The following MED13 variants were observed in gnomAD, a reference collection of about 807,000 sequenced individuals.
The protein encoded by MED13 is mediator of RNA polymerase II transcription subunit 13.
In MED13, 23 loss-of-function variants were observed where a neutral mutation model predicts 225.2. The observed-to-expected ratio is 0.10, with a 90% CI of 0.07 to 0.14. The LOEUF is 0.14. MED13 is among the 10% of genes least tolerant of loss of function. MED13 has a pLI of 1.00. For synonymous variants in MED13, 942 were observed against 889.2 expected (o/e 1.06, Z -1.06); for missense variants, 2,197 against 2,594.5 (o/e 0.85, Z 3.33).
chr17:62,048,035 TAC>T (rs2080914431), intron 3 of MED13, among the ~76,000 whole-genome samples: 1 of 123,876 alleles, frequency 8.1e-6, no homozygotes, highest in African/African-American at 3.1e-5. Flanking sequence ...CATATACATA[TAC>T]ATATACATAT....
intron 9 of MED13, chr17:62,007,379 G>T (rs1179245801): frequency 6.6e-6 from 1 of 152,144 alleles, no homozygotes; most frequent in African/African-American, 2.4e-5. Flanking sequence ...AAAAAAATCA[G>T]TTGAGAATGT....
At chr17:62,058,414 G>A (rs1052652059) in intron 2 of MED13, among the ~76,000 whole-genome samples, 1 of 151,596 alleles carries the variant, frequency 6.6e-6, no homozygotes, top group African/African-American at 2.4e-5. Context: ...CCAACTACTC[G>A]GGAGGCTGAG....
At position 62,011,316 on chromosome 17, in the gene MED13, T is replaced by G. The variant is rs185789007; in HGVS notation, c.1284-83A>C. 3.2e-5 allele frequency: 37 copies of G among 1,156,728 alleles called. No individual in the cohort carries two copies. The African/African-American group carries it at 5.6e-4, about 18-fold the overall frequency. The allele number at this position is 1,156,728 out of a possible 1,614,324, so 71.7% of individuals were successfully genotyped here. On this transcript the variant is annotated intron_variant, in intron 8 of 29. Coordinates refer to ENST00000397786, the MANE Select transcript of MED13 (RefSeq NM_005121.3). ...ATACCAGTTAATAGTATTAGACACT[T>G]CGGTTATCATTTCTTTTTCACATGT...
At chr17:61,971,275 C>CTTT (rs758826223) in intron 17 of MED13, among the ~76,000 whole-genome samples, 2 of 136,336 alleles carry the variant, frequency 1.5e-5, no homozygotes, top group Non-Finnish European at 3.2e-5. Context: ...TAAATATCTA[C>CTTT]TTTTTTTTTT....
intron 3 of MED13, among the ~76,000 whole-genome samples, chr17:62,043,662 T>C (rs2080874692): frequency 6.6e-6 from 1 of 152,130 alleles, no homozygotes; most frequent in Non-Finnish European, 1.5e-5. Flanking sequence ...TACACACATA[T>C]AACTATTGGT....
At position 61,982,536 on chromosome 17, in the gene MED13, CCA is replaced by C. The variant is rs2143459289; in HGVS notation, c.3465_3466del (p.Cys1155TrpfsTer9). 1 of 1,614,158 alleles carries C rather than the reference CCA, an allele frequency of 6.2e-7. No homozygotes were observed. ...TTCAAAACGTTTTTCTGCTTCTTTG[CCA>C]CAGTCTGTATTGCGTCCTATGATAT... On this transcript the variant is annotated frameshift_variant, in exon 16 of 30. Transcript: ENST00000397786. LOFTEE classifies it high-confidence loss of function.
intron 12 of MED13, 76 bp downstream of exon 12, chr17:61,986,924 CTCACAAA>C: frequency 4.3e-6 from 4 of 928,766 alleles, no homozygotes; most frequent in Non-Finnish European, 6.0e-6. Context: ...TAGTATTAAA[CTCACAAA>C]TCACTTCTAA....
intron 28 of MED13, among the ~76,000 whole-genome samples, chr17:61,949,885 A>C (rs1179498194): frequency 6.6e-6 from 1 of 151,852 alleles, no homozygotes; most frequent in Non-Finnish European, 1.5e-5. Flanking sequence ...GGGTCTCACC[A>C]TGTTGGCCAG....
At chr17:62,048,394 G>C (rs116556438) in intron 3 of MED13, among the ~76,000 whole-genome samples, 1,506 of 71,164 alleles carry the variant, frequency 0.021, 31 homozygotes, top group African/African-American at 0.085. Context: ...GAGTGAGACT[G>C]TTTCAAAAAA....
intron 16 of MED13, among the ~76,000 whole-genome samples, chr17:61,978,459 T>A (rs181739740): frequency 6.6e-6 from 1 of 152,034 alleles, no homozygotes; most frequent in Non-Finnish European, 1.5e-5. Context: ...ACTAGGTTGG[T>A]CAGGCTGGTC....
chr17:62,005,962 G>C (rs1418647486), intron 9 of MED13: 1 of 152,136 alleles, frequency 6.6e-6, no homozygotes, highest in Non-Finnish European at 1.5e-5. Flanking sequence ...CAATCCTCCT[G>C]ACACAACCAG....
chr17:62,063,359 C>A, intron 1 of MED13, 58 bp from the exon 2 acceptor site: 1 of 1,098,666 alleles, frequency 9.1e-7, no homozygotes, highest in Non-Finnish European at 1.4e-6. Flanking sequence ...GTCAAAAGTA[C>A]TCAATATGAT....
In MED13 at chr17:62,015,504, G is replaced by A. The variant is rs73336410; in HGVS notation, c.1284-4271C>T. On this transcript the variant is annotated intron_variant, in intron 8 of 29. Coordinates refer to ENST00000397786, the MANE Select transcript of MED13 (RefSeq NM_005121.3). ...TTTGTGTGAAAGAAAGCAACAGGCA[G>A]ACCTACATACATAAGAGGGGAACCT... Among the ~76,000 whole-genome samples the A allele has an allele frequency of 5.8e-3, 886 of 152,184 alleles. 8 individuals carry two copies. Among genetic ancestry groups the A allele is most frequent in the African/African-American group, 0.02 (836 of 41,522 alleles).
At position 61,951,001 on chromosome 17, in the gene MED13, TA is replaced by T; in HGVS notation, c.6118-4del. 6.2e-7 allele frequency: 1 copy of T among 1,605,250 alleles called. No homozygotes were observed. Among genetic ancestry groups the T allele is most frequent in the Non-Finnish European group, 8.5e-7 (1 of 1,175,428 alleles). ...AGTAGCCGATCAGTACTCTGACCCT[TA>T]AAAAGACAAAATTAAAAGTATATTA... On this transcript the variant is annotated splice_polypyrimidine_tract_variant and splice_region_variant and intron_variant, in intron 27 of 29. Transcript: ENST00000397786.
At chr17:62,026,336 C>T (rs550731474) in intron 8 of MED13, among the ~76,000 whole-genome samples, 28 of 152,228 alleles carry the variant, frequency 1.8e-4, no homozygotes, top group African/African-American at 6.3e-4. Context: ...ACAGTTTTGT[C>T]ATGCTTTGAG....
chr17:62,026,671 T>C (rs2080705708), intron 8 of MED13, among the ~76,000 whole-genome samples: 1 of 152,078 alleles, frequency 6.6e-6, no homozygotes, highest in South Asian at 2.1e-4. Context: ...ACAACATGAT[T>C]CTAGACCTGG....
At chr17:61,986,343 T>C (rs998531736) in intron 12 of MED13, among the ~76,000 whole-genome samples, 2 of 152,138 alleles carry the variant, frequency 1.3e-5, no homozygotes, top group African/African-American at 4.8e-5. Context: ...AAATGTACCA[T>C]AGAAGTTTCC....
Position 62,059,068 on chromosome 17 carries a change from A to T in MED13, c.301+3999T>A, listed in dbSNP as rs540269975. ...TCATCAAAACCAAAGAAAGTCTGAGAAACTGTCACAGTCTAACAAAGCCTA... is the reference window on the plus strand; with the variant it reads ...TCATCAAAACCAAAGAAAGTCTGAGTAACTGTCACAGTCTAACAAAGCCTA... On this transcript the variant is annotated intron_variant, in intron 2 of 29. Coordinates refer to ENST00000397786, the MANE Select transcript of MED13 (RefSeq NM_005121.3). Among the ~76,000 whole-genome samples, 15 of 152,366 alleles carry T rather than the reference A, an allele frequency of 9.8e-5. No homozygotes were observed. In the South Asian group the frequency reaches 3.1e-3, roughly 32 times the overall value.
chr17:61,952,887 G>A (rs1218592814), intron 27 of MED13, 78 bp downstream of exon 27: 12 of 1,474,758 alleles, frequency 8.1e-6, no homozygotes, highest in East Asian at 4.6e-5. Context: ...CACCTGCTTC[G>A]CCCTCCCAAA....
Sources: gnomAD v4.1 joint callset for allele counts (sites outside exome capture counted in the v4.1 genomes callset) on GRCh38, gnomAD v4.1.1 for gene constraint, MANE v1.5 for transcripts, NCBI Gene and HGNC (gene_info 2026-07-23, HGNC 2026-07-21) for gene names.